OLFM2: variants seen among roughly 807,000 people sequenced by gnomAD.
The protein encoded by OLFM2 is olfactomedin 2.
Under a neutral mutation model 43.9 loss-of-function variants are expected in OLFM2, and 20 were observed. The observed-to-expected ratio is 0.46, with a 90% CI of 0.32 to 0.66. The LOEUF (loss-of-function observed/expected upper bound fraction) is 0.66, where lower values mean the gene tolerates loss of function less well. Ranked by LOEUF, OLFM2 falls within the 30% of genes least tolerant of loss-of-function variation. The pLI, the probability that OLFM2 is intolerant of heterozygous loss-of-function variation, is 0.04. For missense variants in OLFM2, 416 were observed against 643.6 expected, an observed-to-expected ratio of 0.65 and a Z score of 3.83; for synonymous variants, 268 against 278.6, an observed-to-expected ratio of 0.96 and a Z score of 0.38.
chr19:9,895,494 CAAATAAAT>C (rs57907212), intron 1 of OLFM2, among the ~76,000 whole-genome samples: 1 of 150,486 alleles, frequency 6.6e-6, no homozygotes. Flanking sequence ...GACCCTGTCT[CAAATAAAT>C]AAATAAATAA....
intron 1 of OLFM2, among the ~76,000 whole-genome samples, chr19:9,930,039 CAA>C (rs886663569): frequency 6.9e-6 from 1 of 145,770 alleles, no homozygotes. Flanking sequence ...AACTCCATCT[CAA>C]AAAAAAAAAG....
chr19:9,916,940 G>C (rs1392195400), intron 1 of OLFM2, among the ~76,000 whole-genome samples: 1 of 152,004 alleles, frequency 6.6e-6, no homozygotes, highest in African/African-American at 2.4e-5. Context: ...TCACTTCCTA[G>C]TTCTGCACCC....
chr19:9,873,184 G>A (rs1419704397), intron 1 of OLFM2, among the ~76,000 whole-genome samples: 3 of 152,074 alleles, frequency 2.0e-5, no homozygotes, highest in South Asian at 2.1e-4. Flanking sequence ...ACTCTGCCGC[G>A]CAGGCTGGAG....
chr19:9,870,013 C>A (rs1383107763), intron 1 of OLFM2, among the ~76,000 whole-genome samples: 1 of 152,146 alleles, frequency 6.6e-6, no homozygotes, highest in Non-Finnish European at 1.5e-5. Context: ...CAGCCTCAGC[C>A]TCCCAAAGTG....
intron 1 of OLFM2, among the ~76,000 whole-genome samples, chr19:9,870,874 AAAAT>A (rs1204050016): frequency 3.3e-5 from 5 of 152,068 alleles, no homozygotes; most frequent in African/African-American, 7.2e-5. Context: ...ACTTTGTCTC[AAAAT>A]AAATAAATAA....
At chr19:9,919,451 G>C (rs2086406359) in intron 1 of OLFM2, among the ~76,000 whole-genome samples, 2 of 149,814 alleles carry the variant, frequency 1.3e-5, no homozygotes, top group African/African-American at 2.5e-5. Context: ...ACAGGCATGA[G>C]ACACCTTGCC....
At chr19:9,871,739 G>C (rs999365094) in intron 1 of OLFM2, among the ~76,000 whole-genome samples, 3 of 152,178 alleles carry the variant, frequency 2.0e-5, no homozygotes, top group African/African-American at 7.2e-5. Flanking sequence ...GGCCTCACGG[G>C]TGGGAATGCT....
intron 1 of OLFM2, among the ~76,000 whole-genome samples, chr19:9,871,266 G>A (rs1376430366): frequency 9.0e-6 from 1 of 110,784 alleles, no homozygotes; most frequent in Non-Finnish European, 1.9e-5. Flanking sequence ...GCGAGATCCT[G>A]TCTAAAAAAA....
chr19:9,854,573 C>G lies in OLFM2; in HGVS notation c.978G>C (p.Met326Ile). 6.2e-7 allele frequency: 1 copy of G among 1,613,994 alleles called. No individual in the cohort carries two copies. The highest frequency in any genetic ancestry group is 8.5e-7 in the Non-Finnish European group (1 of 1,180,030). The part of the protein sequence containing the change: ...SWGGFSDMDF[M>I]VDESGLWAVY... ...CAGCCCAGAGCCCGCTCTCGTCCAC[C>G]ATGAAGTCCATGTCGGAGAAGCCGC... The change falls in exon 6 of 6, where the codon ATG becomes ATC. Residue 326 changes from methionine (M) to isoleucine (I), a missense_variant. Met to Ile is a conservative substitution (Grantham distance 10). Transcript: ENST00000264833. This position sits in a 1 kb window ranked among gnomAD's most constrained non-coding sequence, Gnocchi z 9.5.
intron 1 of OLFM2, among the ~76,000 whole-genome samples, chr19:9,877,560 AAATAAATAAAT>A (rs1339028773): frequency 7.2e-4 from 109 of 151,536 alleles, no homozygotes; most frequent in African/African-American, 2.5e-3. Flanking sequence ...ATAAATAAAT[AAATAAATAAAT>A]AAATACAATA....
At chr19:9,900,914 G>T (rs938634449) in intron 1 of OLFM2, among the ~76,000 whole-genome samples, 2 of 134,066 alleles carry the variant, frequency 1.5e-5, no homozygotes, top group Admixed American at 1.6e-4. Context: ...GGAGGGAAGG[G>T]GAGGGAAAGG....
At chr19:9,901,344 T>C (rs951479930) in intron 1 of OLFM2, among the ~76,000 whole-genome samples, 1 of 152,094 alleles carries the variant, frequency 6.6e-6, no homozygotes. Flanking sequence ...TAGACTTGCT[T>C]GAGCCTGGAA....
chr19:9,860,793 G>C lies in OLFM2; in HGVS notation c.65C>G (p.Thr22Ser), dbSNP rs779213228. The C allele has an allele frequency of 3.1e-6, 5 of 1,604,442 alleles. No individual in the cohort carries two copies. In the Admixed American group the frequency reaches 8.4e-5, roughly 27 times the overall value. The change falls in exon 2 of 6, where the codon ACT (threonine) becomes AGT (serine). Residue 22 changes from threonine to serine, a missense_variant and splice_region_variant. Transcript: ENST00000264833. ...GCCCTCTTCTGGGTTCTGGAAGAGA[G>C]TCTGCAAAGAGGTGGGGGTCAGAGA... Reference protein sequence around the residue: ...LLLCSGLAGQTLFQNPEEGWQ... With the variant: ...LLLCSGLAGQSLFQNPEEGWQ...
chr19:9,916,988 C>T (rs1227068858), intron 1 of OLFM2, among the ~76,000 whole-genome samples: 1 of 152,104 alleles, frequency 6.6e-6, no homozygotes, highest in East Asian at 1.9e-4. Flanking sequence ...CCTGCTACTC[C>T]CTAAAACTCT....
At chr19:9,890,259 T>C (rs1221314298) in intron 1 of OLFM2, among the ~76,000 whole-genome samples, 2 of 152,164 alleles carry the variant, frequency 1.3e-5, no homozygotes, top group Non-Finnish European at 2.9e-5. Context: ...TGCACTGTTT[T>C]CTCAGCTCCA....
In OLFM2 at chr19:9,906,795, ACT is replaced by A. The variant is rs373414253; in HGVS notation, c.63+29507_63+29508del. Among the ~76,000 whole-genome samples the A allele has an allele frequency of 2.8e-3, 426 of 151,646 alleles. 3 individuals are homozygous for A. The highest frequency in any genetic ancestry group is 0.027 in the Middle Eastern group (8 of 294). ...GCCTTCCCCATCTCCTGGGCAATCC[ACT>A]CTCTGCAGCGGCAGGCAGCAGTAAC... On this transcript the variant is annotated intron_variant, in intron 1 of 5. Coordinates refer to ENST00000264833, the MANE Select transcript of OLFM2 (RefSeq NM_058164.4).
intron 2 of OLFM2, among the ~76,000 whole-genome samples, chr19:9,859,520 T>C (rs1253073258): frequency 6.6e-6 from 1 of 152,002 alleles, no homozygotes; most frequent in Non-Finnish European, 1.5e-5. Flanking sequence ...CTCAAACTCC[T>C]GACCTCAAGT....
Position 9,935,236 on chromosome 19 carries a change from A to C in OLFM2, c.63+1068T>G, listed in dbSNP as rs73018096. On this transcript the variant is annotated intron_variant, in intron 1 of 5. Transcript: ENST00000264833. ...CTCTCAAATTAGCACGTAATGAATG[A>C]TCACTGTTATCATAATGACTATTTT... 5.3e-4 allele frequency among the ~76,000 whole-genome samples: 80 copies of C among 152,312 alleles called. No individual in the cohort carries two copies. The Middle Eastern group carries it at 0.01, about 19-fold the overall frequency.
intron 1 of OLFM2, among the ~76,000 whole-genome samples, chr19:9,931,724 A>G (rs1263510761): frequency 4.6e-5 from 7 of 151,854 alleles, no homozygotes; most frequent in Admixed American, 6.6e-5. Context: ...TAAAAAAAAA[A>G]AAAGAAATAA....
Sources: allele counts gnomAD v4.1 joint callset (sites outside exome capture counted in the v4.1 genomes callset), GRCh38; gene constraint gnomAD v4.1.1; non-coding constraint Gnocchi (gnomAD v3.1); transcripts MANE v1.5; gene names NCBI Gene and HGNC (gene_info 2026-07-23, HGNC 2026-07-21).